AUTS2: variants seen among roughly 807,000 people sequenced by gnomAD.
AUTS2 encodes the protein activator of transcription and developmental regulator AUTS2.
A neutral mutation model predicts 112.4 loss-of-function variants in AUTS2; 17 were observed. The ratio of observed to expected loss-of-function variants is 0.15; its 90% confidence interval spans 0.10 to 0.23. The LOEUF (loss-of-function observed/expected upper bound fraction) is 0.23. Ranked by LOEUF, AUTS2 falls within the 10% of genes least tolerant of loss-of-function variation. The probability of loss-of-function intolerance (pLI) is 1.00; values close to 1 mark genes in which losing one functional copy is unlikely to be tolerated. For synonymous variants in AUTS2, 751 were observed against 702.7 expected (o/e 1.07, Z -1.09); for missense variants, 1,510 against 1,701.6 (o/e 0.89, Z 1.98).
chr7:70,623,062 A>G (rs1804759560), intron 5 of AUTS2, among the ~76,000 whole-genome samples: 1 of 152,154 alleles, frequency 6.6e-6, no homozygotes, highest in South Asian at 2.1e-4. Context: ...TGTGTGCTTG[A>G]TGGTGTTTTA....
chr7:70,696,754 C>G (rs958893068), intron 5 of AUTS2, among the ~76,000 whole-genome samples: 1 of 152,104 alleles, frequency 6.6e-6, no homozygotes, highest in Non-Finnish European at 1.5e-5. Flanking sequence ...ATGCTTTTTG[C>G]ATTCAGAGAC....
chr7:69,990,918 T>C (rs2129551464), intron 2 of AUTS2, among the ~76,000 whole-genome samples: 1 of 152,314 alleles, frequency 6.6e-6, no homozygotes, highest in Middle Eastern at 3.4e-3. Flanking sequence ...GATTTTCAGA[T>C]TTGTGTTCCT....
chr7:70,300,371 A>G (rs1789155150), intron 4 of AUTS2, among the ~76,000 whole-genome samples: 1 of 152,192 alleles, frequency 6.6e-6, no homozygotes, highest in African/African-American at 2.4e-5. Flanking sequence ...CTAGCTAGAT[A>G]TTATATTTAA....
At chr7:69,999,769 G>GA (rs1280038599) in intron 2 of AUTS2, among the ~76,000 whole-genome samples, 1 of 151,846 alleles carries the variant, frequency 6.6e-6, no homozygotes, top group African/African-American at 2.4e-5. Flanking sequence ...CACAAAGAAC[G>GA]AAAAAAAGAA....
At chr7:69,769,194 A>G (rs187340387) in intron 1 of AUTS2, among the ~76,000 whole-genome samples, 21 of 152,370 alleles carry the variant, frequency 1.4e-4, no homozygotes, top group Non-Finnish European at 2.5e-4. Context: ...TGGATAAACC[A>G]ATGTTGAATA....
At chr7:69,776,670 C>T (rs771652047) in intron 1 of AUTS2, among the ~76,000 whole-genome samples, 1 of 152,190 alleles carries the variant, frequency 6.6e-6, no homozygotes, top group Non-Finnish European at 1.5e-5. Context: ...CCTTCTGCCT[C>T]AGCCTCCCAA....
At chr7:69,812,069 T>G (rs1187473051) in intron 1 of AUTS2, among the ~76,000 whole-genome samples, 1 of 152,168 alleles carries the variant, frequency 6.6e-6, no homozygotes, top group Non-Finnish European at 1.5e-5. Context: ...GAAGCAATAG[T>G]GGTTTTGAAA....
chr7:70,705,666 C>T (rs189837246), intron 6 of AUTS2, among the ~76,000 whole-genome samples: 1 of 152,276 alleles, frequency 6.6e-6, no homozygotes, highest in Admixed American at 6.5e-5. Context: ...TGACTCTTGT[C>T]ATTAGCTGAG....
At chr7:70,299,285 T>C (rs1055049333) in intron 4 of AUTS2, among the ~76,000 whole-genome samples, 1 of 152,234 alleles carries the variant, frequency 6.6e-6, no homozygotes, top group Non-Finnish European at 1.5e-5. Flanking sequence ...TACAATCTCT[T>C]CCTTGTGCCT....
At chr7:69,756,271 G>C (rs1287196893) in intron 1 of AUTS2, among the ~76,000 whole-genome samples, 1 of 152,208 alleles carries the variant, frequency 6.6e-6, no homozygotes, top group Admixed American at 6.5e-5. Context: ...GAAATTATAG[G>C]GTGGGAAAGA....
chr7:70,299,711 A>C (rs978918220), intron 4 of AUTS2, among the ~76,000 whole-genome samples: 6 of 152,072 alleles, frequency 3.9e-5, no homozygotes, highest in Non-Finnish European at 5.9e-5. Context: ...AACCTGGTAC[A>C]TCATCAGCTG....
Position 70,283,535 on chromosome 7 carries a change from T to C in AUTS2, c.660+148964T>C, listed in dbSNP as rs1000241144. Among the ~76,000 whole-genome samples the C allele has an allele frequency of 3.3e-5, 5 of 152,322 alleles. No individual in the cohort carries two copies. In the East Asian group the frequency reaches 5.8e-4, roughly 18 times the overall value. On this transcript the variant is annotated intron_variant, in intron 4 of 18. Coordinates refer to ENST00000342771, the MANE Select transcript of AUTS2 (RefSeq NM_015570.4). The stretch of plus-strand genomic sequence containing the variant: ...GAATCAATGAAATACTGCATATAGT[T>C]CTTTTGTGGTATGTGTATATATGTA...
At chr7:69,810,864 C>T (rs1476113706) in intron 1 of AUTS2, among the ~76,000 whole-genome samples, 1 of 152,064 alleles carries the variant, frequency 6.6e-6, no homozygotes, top group Non-Finnish European at 1.5e-5. Flanking sequence ...GAAAACATAA[C>T]GTGAAATAAA....
intron 1 of AUTS2, among the ~76,000 whole-genome samples, chr7:69,716,398 A>G (rs1350983174): frequency 9.2e-5 from 14 of 152,094 alleles, no homozygotes; most frequent in Admixed American, 9.2e-4. Flanking sequence ...ATATGACCTG[A>G]TTAGACAAAT....
In AUTS2 at chr7:69,879,190, G is replaced by A. The variant is rs1246812289; in HGVS notation, c.310-20096G>A. On this transcript the variant is annotated intron_variant, in intron 1 of 18. Transcript: ENST00000342771. ...AGGGTCTTGCTCTGTCGCCCAGGCT[G>A]GAGTGCGGTGGCACGATCTCAGCTC... Among the ~76,000 whole-genome samples, 5 of 151,892 alleles carry A rather than the reference G, an allele frequency of 3.3e-5. 1 individual carries two copies. Among genetic ancestry groups the A allele is most frequent in the African/African-American group, 1.2e-4 (5 of 41,338 alleles).
At chr7:70,412,661 C>A (rs1293310479) in intron 4 of AUTS2, among the ~76,000 whole-genome samples, 1 of 152,176 alleles carries the variant, frequency 6.6e-6, no homozygotes, top group African/African-American at 2.4e-5. Flanking sequence ...CTGGATGAAT[C>A]TTGACTACAA....
intron 4 of AUTS2, among the ~76,000 whole-genome samples, chr7:70,255,961 C>G (rs1322100999): frequency 6.6e-6 from 1 of 152,170 alleles, no homozygotes; most frequent in Non-Finnish European, 1.5e-5. Context: ...TTGCTGAAAA[C>G]TTTAATAGAC....
chr7:69,662,816 C>T (rs960435539), intron 1 of AUTS2, among the ~76,000 whole-genome samples: 3 of 152,014 alleles, frequency 2.0e-5, no homozygotes, highest in Admixed American at 6.6e-5. Context: ...TCTCTGAGGT[C>T]GCTCCCAACC....
At chr7:70,609,959 T>TTTGTTGTTG (rs200432278) in intron 5 of AUTS2, among the ~76,000 whole-genome samples, 286 of 122,968 alleles carry the variant, frequency 2.3e-3, no homozygotes, top group African/African-American at 6.7e-3. Context: ...AGTTCTGTTT[T>TTTGTTGTTG]TTGTTGTTGT....
Sources: allele counts gnomAD v4.1 joint callset (sites outside exome capture counted in the v4.1 genomes callset), GRCh38; gene constraint gnomAD v4.1.1; transcripts MANE v1.5; gene names NCBI Gene and HGNC (gene_info 2026-07-23, HGNC 2026-07-21).